Variants in AFAP1 observed in about 807,000 individuals in gnomAD.
AFAP1 encodes the protein actin filament-associated protein 1.
AFAP1 carries 75 observed loss-of-function variants against 93.9 expected under a neutral mutation model. The ratio of observed to expected loss-of-function variants is 0.80; its 90% CI spans 0.66 to 0.97. AFAP1 has a LOEUF of 0.97. Ranked by LOEUF, AFAP1 falls within the 50% of genes least tolerant of loss-of-function variation. AFAP1 has a pLI of 0.00. For synonymous variants in AFAP1, 517 were observed against 430.7 expected, an observed-to-expected ratio of 1.20 and a Z score of -2.48; for missense variants, 1,201 against 1,050.8, an observed-to-expected ratio of 1.14 and a Z score of -1.98.
At chr4:7,877,848 C>CAG (rs1366579955) in intron 1 of AFAP1, among the ~76,000 whole-genome samples, 100 of 152,292 alleles carry the variant, frequency 6.6e-4, no homozygotes, top group Non-Finnish European at 1.5e-5. Context: ...ACATAGACTA[C>CAG]AGAGTAACCT....
intron 6 of AFAP1, among the ~76,000 whole-genome samples, chr4:7,819,822 G>A (rs1720809116): frequency 6.6e-6 from 1 of 152,210 alleles, no homozygotes; most frequent in South Asian, 2.1e-4. Flanking sequence ...ATTGGCTCAG[G>A]ACCTAGTGCC....
At position 7,895,029 on chromosome 4, in the gene AFAP1, TG is replaced by T. The variant is rs1718686172; in HGVS notation, c.-2-22950del. On this transcript the variant is annotated intron_variant, in intron 1 of 17. Transcript: ENST00000420658. ...TGGGTAACATATGTCAGTGTGCTAATGGAAGCAAATTAAGAACATCGTTGGT... is the reference window on the plus strand; with the variant it reads ...TGGGTAACATATGTCAGTGTGCTAATGAAGCAAATTAAGAACATCGTTGGT... Among the ~76,000 whole-genome samples, 9 of 152,338 alleles carry T rather than the reference TG, an allele frequency of 5.9e-5. No homozygotes were observed. The South Asian group carries it at 1.9e-3, about 32-fold the overall frequency.
chr4:7,916,527 G>A (rs946878245), intron 1 of AFAP1, among the ~76,000 whole-genome samples: 1 of 152,084 alleles, frequency 6.6e-6, no homozygotes, highest in Non-Finnish European at 1.5e-5. Context: ...TCCTGACCCA[G>A]CGAAACCAGC....
At chr4:7,904,916 C>T (rs1428792211) in intron 1 of AFAP1, among the ~76,000 whole-genome samples, 1 of 151,988 alleles carries the variant, frequency 6.6e-6, no homozygotes, top group East Asian at 1.9e-4. Flanking sequence ...GCTATGTTGC[C>T]CAGACTGGTC....
At chr4:7,862,379 C>T (rs1715813120) in intron 3 of AFAP1, 1 of 54,310 alleles carries the variant, frequency 1.8e-5, no homozygotes, top group Non-Finnish European at 3.7e-5. Context: ...ACAGTGGATG[C>T]CAGGGGCAGG....
At chr4:7,788,426 C>T (rs1412844970) in intron 11 of AFAP1, among the ~76,000 whole-genome samples, 1 of 152,252 alleles carries the variant, frequency 6.6e-6, no homozygotes, top group Non-Finnish European at 1.5e-5. Context: ...CCTCACAGAG[C>T]GCGTGTGCGC....
rs529145520 is a variant in AFAP1, at chr4:7,876,965, TCTTCCAGC to T, written c.-2-4893_-2-4886del. Among the ~76,000 whole-genome samples, 207 of 152,340 alleles carry T rather than the reference TCTTCCAGC, an allele frequency of 1.4e-3. 4 individuals are homozygous for T. The Middle Eastern group carries it at 0.024, about 18-fold the overall frequency. ...AAATACTTAATACTCATCCCCTCTTTCTTCCAGCCTTCCAGCCTTCTCTAATTAAACAC... is the reference window on the plus strand; with the variant it reads ...AAATACTTAATACTCATCCCCTCTTTCTTCCAGCCTTCTCTAATTAAACAC... On this transcript the variant is annotated intron_variant, in intron 1 of 17. Coordinates refer to ENST00000420658, the MANE Select transcript of AFAP1 (RefSeq NM_001134647.2).
intron 12 of AFAP1, among the ~76,000 whole-genome samples, chr4:7,782,804 T>C (rs1055730544): frequency 1.3e-5 from 2 of 152,230 alleles, no homozygotes; most frequent in South Asian, 2.1e-4. Flanking sequence ...GGAGTGTCTG[T>C]ATTCCTCCGC....
chr4:7,939,676 C>A lies in AFAP1; in HGVS notation c.-23G>T, dbSNP rs1457434047. On this transcript the variant is annotated 5_prime_UTR_variant, in exon 1 of 18. Transcript: ENST00000420658. This position sits in a 1 kb window ranked among gnomAD's most constrained non-coding sequence, Gnocchi z 5.6. The stretch of plus-strand genomic sequence containing the variant: ...CTCACCTCAGGCCGCCACCTCGCAG[C>A]GCTCGCTCCTCGCCGCGGCGCCTGG... 1 of 417,170 alleles carries A rather than the reference C, an allele frequency of 2.4e-6. No homozygotes were observed. Among genetic ancestry groups the A allele is most frequent in the South Asian group, 1.6e-5 (1 of 60,952 alleles). 25.8% of individuals were successfully genotyped at this position (417,170 alleles called of 1,614,324 possible). A position where few individuals can be genotyped will look rare whatever the true frequency, so the allele number is the denominator to read the frequency against.
At chr4:7,789,223 G>C (rs1287051665) in intron 11 of AFAP1, among the ~76,000 whole-genome samples, 2 of 152,148 alleles carry the variant, frequency 1.3e-5, no homozygotes, top group African/African-American at 2.4e-5. Context: ...TTCCACAATA[G>C]GATTTGCAGC....
At chr4:7,920,754 G>A (rs944531875) in intron 1 of AFAP1, among the ~76,000 whole-genome samples, 17 of 152,104 alleles carry the variant, frequency 1.1e-4, no homozygotes, top group Non-Finnish European at 1.6e-4. Context: ...CTGAAAAGTC[G>A]AAAGACAATT....
chr4:7,938,761 G>C (rs1029524795), intron 1 of AFAP1, among the ~76,000 whole-genome samples: 1 of 152,084 alleles, frequency 6.6e-6, no homozygotes, highest in Non-Finnish European at 1.5e-5. Flanking sequence ...ATTACTAACG[G>C]AAGAAATCAA....
chr4:7,900,941 G>T (rs1012629124), intron 1 of AFAP1, among the ~76,000 whole-genome samples: 1 of 152,170 alleles, frequency 6.6e-6, no homozygotes, highest in African/African-American at 2.4e-5. Context: ...ACTTCTCTTG[G>T]TCCTGTTTCT....
At chr4:7,793,655 C>T in intron 11 of AFAP1, 26 bp downstream of exon 11, 1 of 1,487,144 alleles carries the variant, frequency 6.7e-7, no homozygotes, top group Non-Finnish European at 9.1e-7. Context: ...AACTGTGGTG[C>T]CATTTCACAT....
At chr4:7,815,089 A>T (rs940437640) in intron 8 of AFAP1, among the ~76,000 whole-genome samples, 1 of 152,268 alleles carries the variant, frequency 6.6e-6, no homozygotes, top group South Asian at 2.1e-4. Flanking sequence ...AAGGAAAGAA[A>T]TTCTGACACA....
intron 17 of AFAP1, among the ~76,000 whole-genome samples, chr4:7,765,082 C>T (rs1362761512): frequency 6.6e-6 from 1 of 151,866 alleles, no homozygotes; most frequent in African/African-American, 2.4e-5. Flanking sequence ...CGAGCGTGGT[C>T]AACAGAGCAA....
At chr4:7,869,955 T>C (rs1313248106) in intron 2 of AFAP1, among the ~76,000 whole-genome samples, 1 of 152,046 alleles carries the variant, frequency 6.6e-6, no homozygotes, top group African/African-American at 2.4e-5. Context: ...GAAGGAGGCA[T>C]GAAGAGACCA....
intron 1 of AFAP1, among the ~76,000 whole-genome samples, chr4:7,919,511 T>A (rs1054962675): frequency 6.6e-6 from 1 of 152,226 alleles, no homozygotes; most frequent in Non-Finnish European, 1.5e-5. Context: ...CTGAGCCGAT[T>A]GAGTTCTTAT....
At chr4:7,855,659 T>C (rs1161825803) in intron 3 of AFAP1, 85 bp from the exon 4 acceptor site, 2 of 1,070,634 alleles carry the variant, frequency 1.9e-6, no homozygotes, top group Admixed American at 1.8e-5. Context: ...GTGTGGCCAG[T>C]CTTTTCCTCT....
Sources: allele counts gnomAD v4.1 joint callset (sites outside exome capture counted in the v4.1 genomes callset), GRCh38; gene constraint gnomAD v4.1.1; non-coding constraint Gnocchi (gnomAD v3.1); transcripts MANE v1.5; gene names NCBI Gene and HGNC (gene_info 2026-07-23, HGNC 2026-07-21).